MTMR9: variants seen among roughly 807,000 people sequenced by gnomAD.
The protein encoded by MTMR9 is myotubularin-related protein 9.
MTMR9 carries 39 observed loss-of-function variants against 69.5 expected under a neutral mutation model. The observed-to-expected ratio is 0.56, with a 90% CI of 0.43 to 0.73. The LOEUF (loss-of-function observed/expected upper bound fraction) is 0.73. MTMR9 is among the 30% of genes least tolerant of loss of function. MTMR9 has a pLI of 0.00. For synonymous variants in MTMR9, 354 were observed against 240.8 expected (o/e 1.47, Z -4.35); for missense variants, 900 against 671.2 (o/e 1.34, Z -3.77).
chr8:11,291,089 AT>A (rs1485856314), intron 1 of MTMR9, among the ~76,000 whole-genome samples: 2 of 152,224 alleles, frequency 1.3e-5, no homozygotes, highest in Non-Finnish European at 2.9e-5. Context: ...TGAGGACAAA[AT>A]TAGGACATTG....
rs1161749657 is a variant in MTMR9, at chr8:11,306,039, C to T, written c.592-151C>T. The T allele has an allele frequency of 4.7e-6, 3 of 644,174 alleles. No homozygotes were observed. The East Asian group carries it at 8.3e-5, about 18-fold the overall frequency. The allele number at this position is 644,174 out of a possible 1,614,324, so 39.9% of individuals were successfully genotyped here. On this transcript the variant is annotated intron_variant, in intron 4 of 9. Transcript: ENST00000221086. ...TTATAGTTATTAACTATTGTCAATACATGCAAATATTTCTTTGTTTATGGA... is the reference window on the plus strand; with the variant it reads ...TTATAGTTATTAACTATTGTCAATATATGCAAATATTTCTTTGTTTATGGA...
chr8:11,329,344 T>C (rs561800547), downstream of MTMR9, among the ~76,000 whole-genome samples: 1 of 152,250 alleles, frequency 6.6e-6, no homozygotes, highest in Non-Finnish European at 1.5e-5. Flanking sequence ...TCTCTTTCCA[T>C]GGTCTCCCTC....
At chr8:11,336,956 G>C in the MTMR9 span, among the ~76,000 whole-genome samples, 1 of 152,248 alleles carries the variant, frequency 6.6e-6, no homozygotes, top group African/African-American at 2.4e-5. Context: ...CAGGTTGCCG[G>C]AGTTCTTGAT....
At chr8:11,319,564 T>G in intron 8 of MTMR9, 123 bp from the exon 9 acceptor site, 1 of 993,606 alleles carries the variant, frequency 1.0e-6, no homozygotes, top group Non-Finnish European at 1.5e-6. Context: ...ACTTTGTTTC[T>G]CTACCAAAAG....
chr8:11,333,571 T>C, the MTMR9 span, among the ~76,000 whole-genome samples: 1 of 152,118 alleles, frequency 6.6e-6, no homozygotes, highest in Non-Finnish European at 1.5e-5. Context: ...GAAAGAAGTA[T>C]CTCCACGACA....
chr8:11,338,608 C>T, the MTMR9 span, among the ~76,000 whole-genome samples: 1 of 152,142 alleles, frequency 6.6e-6, no homozygotes, highest in Non-Finnish European at 1.5e-5. Flanking sequence ...GCCAATAGAC[C>T]ACGGCATTCC....
the MTMR9 span, among the ~76,000 whole-genome samples, chr8:11,339,114 A>G: frequency 6.6e-6 from 1 of 152,198 alleles, no homozygotes; most frequent in African/African-American, 2.4e-5. Context: ...CAGGGGTGTC[A>G]ATCCCCTTAA....
chr8:11,335,613 G>A, the MTMR9 span, among the ~76,000 whole-genome samples: 64 of 152,262 alleles, frequency 4.2e-4, 1 homozygote, highest in East Asian at 7.7e-3. Context: ...TGAAGGAGAA[G>A]AACAAAGTTG....
chr8:11,328,820 G>C (rs1186840116), downstream of MTMR9, among the ~76,000 whole-genome samples: 2 of 152,178 alleles, frequency 1.3e-5, no homozygotes, highest in African/African-American at 4.8e-5. Context: ...TTAGTAATGG[G>C]ACATATCAAC....
At chr8:11,294,982 T>C (rs1157162003) in intron 1 of MTMR9, 1 of 338,994 alleles carries the variant, frequency 2.9e-6, no homozygotes, top group African/African-American at 2.2e-5. Context: ...TGTGAATTAC[T>C]TTATATATTT....
rs189042628 is a variant in MTMR9, at chr8:11,322,155, A to G, written c.1487-470A>G. 1.1e-3 allele frequency among the ~76,000 whole-genome samples: 160 copies of G among 152,320 alleles called. 1 individual carries two copies. Among genetic ancestry groups the G allele is most frequent in the African/African-American group, 3.3e-3 (138 of 41,568 alleles). Reference sequence around the variant, plus strand: ...ACGTGGGCTACAGTTCAGGCTTTCAAATAACAACATATGTGGTTCTGCTTT... The same window carrying G: ...ACGTGGGCTACAGTTCAGGCTTTCAGATAACAACATATGTGGTTCTGCTTT... On this transcript the variant is annotated intron_variant, in intron 9 of 9. Coordinates refer to ENST00000221086, the MANE Select transcript of MTMR9 (RefSeq NM_015458.4).
chr8:11,293,408 G>T (rs758887493), intron 1 of MTMR9, among the ~76,000 whole-genome samples: 1 of 152,168 alleles, frequency 6.6e-6, no homozygotes, highest in African/African-American at 2.4e-5. Flanking sequence ...GTAAGGTAAG[G>T]TTAATTTATT....
At chr8:11,288,569 C>G (rs1799274560) in intron 1 of MTMR9, among the ~76,000 whole-genome samples, 1 of 151,864 alleles carries the variant, frequency 6.6e-6, no homozygotes, top group African/African-American at 2.4e-5. Flanking sequence ...AATACAAAGA[C>G]TTGAGATGGG....
At chr8:11,313,183 A>G (rs554888089) in intron 6 of MTMR9, among the ~76,000 whole-genome samples, 4 of 152,350 alleles carry the variant, frequency 2.6e-5, no homozygotes, top group Non-Finnish European at 4.4e-5. Flanking sequence ...CTTAAACCTC[A>G]TGAACCAGCC....
rs1463176635 is a variant in MTMR9, at chr8:11,328,076, G to A, written c.*5288G>A. On this transcript the variant is annotated 3_prime_UTR_variant, in exon 10 of 10. Coordinates refer to ENST00000221086, the MANE Select transcript of MTMR9 (RefSeq NM_015458.4). ...CTCTGCCTCAGAGGACAGTTGCACA[G>A]ATGGCTAGTGTTAAATTTCTATAGA... The A allele has an allele frequency of 6.6e-6, 1 of 152,164 alleles. No homozygotes were observed. Among genetic ancestry groups the A allele is most frequent in the African/African-American group, 2.4e-5 (1 of 41,422 alleles). The allele number at this position is 152,164 out of a possible 1,614,324, so 9.4% of individuals were successfully genotyped here.
chr8:11,295,163 G>C (rs766703850), intron 1 of MTMR9, 31 bp from the exon 2 acceptor site: 5 of 1,162,098 alleles, frequency 4.3e-6, no homozygotes, highest in Non-Finnish European at 6.4e-6. Flanking sequence ...TAATATATGT[G>C]TTCCTAAACA....
chr8:11,301,368 A>T (rs1799741498), intron 3 of MTMR9, among the ~76,000 whole-genome samples: 1 of 152,238 alleles, frequency 6.6e-6, no homozygotes, highest in African/African-American at 2.4e-5. Context: ...TGCTCAGTTG[A>T]TTTTTGACAA....
chr8:11,332,245 T>A, downstream of MTMR9: 1 of 1,403,206 alleles, frequency 7.1e-7, no homozygotes, highest in Non-Finnish European at 9.5e-7. Context: ...AGTGAAAGTC[T>A]AACTTCCATA....
intron 3 of MTMR9, among the ~76,000 whole-genome samples, chr8:11,304,297 G>C (rs1159074086): frequency 1.3e-5 from 2 of 152,132 alleles, no homozygotes; most frequent in African/African-American, 4.8e-5. Flanking sequence ...GTTTGATATA[G>C]ATAGTAGCTG....
Sources: allele counts gnomAD v4.1 joint callset (sites outside exome capture counted in the v4.1 genomes callset), GRCh38; gene constraint gnomAD v4.1.1; transcripts MANE v1.5; gene names NCBI Gene and HGNC (gene_info 2026-07-23, HGNC 2026-07-21).